UBE2R2: variants seen among roughly 807,000 people sequenced by gnomAD.
UBE2R2 encodes ubiquitin-conjugating enzyme E2 R2.
Under a neutral mutation model 27.8 loss-of-function variants are expected in UBE2R2, and 1 was observed. The observed-to-expected ratio is 0.04, with a 90% CI of 0.01 to 0.17. The LOEUF (loss-of-function observed/expected upper bound fraction) is 0.17, where lower values mean the gene tolerates loss of function less well. UBE2R2 is among the 10% of genes least tolerant of loss of function. The pLI is 1.00. For synonymous variants in UBE2R2, 106 were observed against 113.3 expected (o/e 0.94, Z 0.41); for missense variants, 100 against 291.0 (o/e 0.34, Z 4.78).
intron 1 of UBE2R2, among the ~76,000 whole-genome samples, chr9:33,849,146 A>C (rs948208564): frequency 2.3e-4 from 35 of 152,024 alleles, no homozygotes; most frequent in Admixed American, 6.6e-4. Context: ...AATCCCAGCT[A>C]CTCGGGAGGC....
At chr9:33,905,104 T>C (rs1018442282) in intron 3 of UBE2R2, among the ~76,000 whole-genome samples, 1 of 152,204 alleles carries the variant, frequency 6.6e-6, no homozygotes, top group Non-Finnish European at 1.5e-5. Context: ...TACTATCTGC[T>C]ATAGGCTCTG....
chr9:33,823,762 G>A (rs920902548), intron 1 of UBE2R2, among the ~76,000 whole-genome samples: 3 of 152,174 alleles, frequency 2.0e-5, no homozygotes, highest in African/African-American at 7.2e-5. Context: ...AGAGAAAATG[G>A]GTACACGTAA....
chr9:33,844,515 A>T (rs1351617539), intron 1 of UBE2R2, among the ~76,000 whole-genome samples: 207 of 110,124 alleles, frequency 1.9e-3, no homozygotes, highest in Middle Eastern at 0.012. Context: ...TCCCACATCT[A>T]TTTTTTTTTT....
intron 1 of UBE2R2, among the ~76,000 whole-genome samples, chr9:33,847,331 A>G (rs1012746536): frequency 1.3e-5 from 2 of 152,134 alleles, no homozygotes; most frequent in Admixed American, 1.3e-4. Context: ...TCTGGCCTCA[A>G]GTGATCTCCT....
chr9:33,828,120 T>C (rs890962452), intron 1 of UBE2R2, among the ~76,000 whole-genome samples: 4 of 151,898 alleles, frequency 2.6e-5, no homozygotes, highest in African/African-American at 7.2e-5. Flanking sequence ...CTGACCAACA[T>C]GGTGAAACCC....
chr9:33,832,874 T>C (rs984969959), intron 1 of UBE2R2, among the ~76,000 whole-genome samples: 2 of 152,092 alleles, frequency 1.3e-5, no homozygotes, highest in African/African-American at 4.8e-5. Flanking sequence ...AAATGTATAG[T>C]CACATTCAGT....
intron 1 of UBE2R2, among the ~76,000 whole-genome samples, chr9:33,821,159 T>C (rs1335996131): frequency 6.6e-6 from 1 of 152,206 alleles, no homozygotes; most frequent in African/African-American, 2.4e-5. Flanking sequence ...CCCCTTTCTT[T>C]TGAAAGGAAC....
At chr9:33,866,930 G>A (rs951042012) in intron 1 of UBE2R2, among the ~76,000 whole-genome samples, 1 of 152,060 alleles carries the variant, frequency 6.6e-6, no homozygotes, top group Non-Finnish European at 1.5e-5. Context: ...CTGTTTTAAT[G>A]ATTTTTTCGA....
chr9:33,865,322 A>G (rs909186384), intron 1 of UBE2R2, among the ~76,000 whole-genome samples: 1 of 152,028 alleles, frequency 6.6e-6, no homozygotes, highest in African/African-American at 2.4e-5. Context: ...CTCCTGCCTC[A>G]GCCTCCCGAG....
At chr9:33,901,976 C>T (rs1242357984) in intron 3 of UBE2R2, among the ~76,000 whole-genome samples, 1 of 148,202 alleles carries the variant, frequency 6.7e-6, no homozygotes, top group Admixed American at 6.8e-5. Context: ...TGAAGCGGCG[C>T]GGTCACGGCT....
At position 33,905,439 on chromosome 9, in the gene UBE2R2, TGG is replaced by T. The variant is rs1226845489; in HGVS notation, c.362+5169_362+5170del. Among the ~76,000 whole-genome samples the T allele has an allele frequency of 1.4e-4, 22 of 152,206 alleles. 1 individual carries two copies. Among genetic ancestry groups the T allele is most frequent in the Non-Finnish European group, 2.4e-4 (16 of 68,042 alleles). Reference sequence around the variant, plus strand: ...GTGTGGTTTTATTTATTTGCTTCCTTGGTTTTTGTGCATGGGGTCCCACTGCC... The same window carrying T: ...GTGTGGTTTTATTTATTTGCTTCCTTTTTTTGTGCATGGGGTCCCACTGCC... On this transcript the variant is annotated intron_variant, in intron 3 of 4. Transcript: ENST00000263228.
At position 33,855,866 on chromosome 9, in the gene UBE2R2, C is replaced by T. The variant is rs182215573; in HGVS notation, c.178-31015C>T. ...GCCAAGGTGGGCGGATCACTTGAGC[C>T]CAGGAGTTCGAAATCAGCCTGGGCA... On this transcript the variant is annotated intron_variant, in intron 1 of 4. Transcript: ENST00000263228. Among the ~76,000 whole-genome samples the T allele has an allele frequency of 4.6e-5, 7 of 152,218 alleles. No homozygotes were observed. The East Asian group carries it at 1.4e-3, about 29-fold the overall frequency.
At chr9:33,861,104 G>A (rs911733651) in intron 1 of UBE2R2, among the ~76,000 whole-genome samples, 19 of 151,372 alleles carry the variant, frequency 1.3e-4, no homozygotes, top group Non-Finnish European at 2.2e-4. Flanking sequence ...GACTACAGGC[G>A]CCCGCCACCA....
chr9:33,885,863 A>G (rs1460624160), intron 1 of UBE2R2, among the ~76,000 whole-genome samples: 1 of 152,190 alleles, frequency 6.6e-6, no homozygotes, highest in Non-Finnish European at 1.5e-5. Context: ...TTCATATATA[A>G]AATACGGGGA....
Position 33,861,377 on chromosome 9 carries a change from G to A in UBE2R2, c.178-25504G>A, listed in dbSNP as rs1406851857. Among the ~76,000 whole-genome samples, 2 of 151,976 alleles carry A rather than the reference G, an allele frequency of 1.3e-5. 1 individual carries two copies. Among genetic ancestry groups the A allele is most frequent in the Non-Finnish European group, 2.9e-5 (2 of 67,966 alleles). Reference sequence around the variant, plus strand: ...GAGGTCAGGAGTTTGAGACTAGCCTGGCCGACATCTCTACAAACCCCATCT... The same window carrying A: ...GAGGTCAGGAGTTTGAGACTAGCCTAGCCGACATCTCTACAAACCCCATCT... On this transcript the variant is annotated intron_variant, in intron 1 of 4. Coordinates refer to ENST00000263228, the MANE Select transcript of UBE2R2 (RefSeq NM_017811.4).
Position 33,817,430 on chromosome 9 carries a change from T to TAGGA in UBE2R2, c.-328_-327insAGGA, listed in dbSNP as rs1825816857. On this transcript the variant is annotated 5_prime_UTR_variant, in exon 1 of 5. Transcript: ENST00000263228. ...GCCGCCTTCCTCCGCTTCCACCTCC[T>TAGGA]CTCCCCCCCCCCAAGTTGAGGCCCC... is the stretch of plus-strand genomic sequence containing the variant. The TAGGA allele has an allele frequency of 3.0e-5, 4 of 133,274 alleles. No homozygotes were observed. The highest frequency in any genetic ancestry group is 6.3e-5 in the Non-Finnish European group (4 of 63,264). The allele number at this position is 133,274 out of a possible 1,614,324, so 8.3% of individuals were successfully genotyped here.
chr9:33,881,083 A>C (rs1302169307), intron 1 of UBE2R2, among the ~76,000 whole-genome samples: 1 of 152,170 alleles, frequency 6.6e-6, no homozygotes, highest in Non-Finnish European at 1.5e-5. Flanking sequence ...TTTTAGTTAC[A>C]TCATTTTGTG....
chr9:33,872,661 C>T (rs1821511414), intron 1 of UBE2R2, among the ~76,000 whole-genome samples: 1 of 151,888 alleles, frequency 6.6e-6, no homozygotes. Context: ...TGGCACATGC[C>T]TGTAATTCCA....
chr9:33,831,280 A>G (rs1158398907), intron 1 of UBE2R2, among the ~76,000 whole-genome samples: 1 of 152,072 alleles, frequency 6.6e-6, no homozygotes, highest in Non-Finnish European at 1.5e-5. Context: ...CATCTCTACA[A>G]AGAAAAAAGA....
Sources: gnomAD v4.1 joint callset for allele counts (sites outside exome capture counted in the v4.1 genomes callset) on GRCh38, gnomAD v4.1.1 for gene constraint, MANE v1.5 for transcripts, NCBI Gene and HGNC (gene_info 2026-07-23, HGNC 2026-07-21) for gene names.